The following TXNRD1 variants were observed in gnomAD, a reference collection of about 807,000 sequenced individuals.
TXNRD1 encodes thioredoxin reductase 1, cytoplasmic.
TXNRD1 carries 57 observed loss-of-function variants against 80.3 expected under a neutral mutation model. The observed-to-expected ratio is 0.71, with a 90% CI of 0.57 to 0.89. The LOEUF is 0.89. TXNRD1 is among the 40% of genes least tolerant of loss of function. The pLI is 0.00. For missense variants in TXNRD1, 730 were observed against 803.0 expected (o/e 0.91, Z 1.10); for synonymous variants, 291 against 285.2 (o/e 1.02, Z -0.20).
At chr12:104,278,390 C>CA (rs1555210508) in intron 3 of TXNRD1, among the ~76,000 whole-genome samples, 1 of 148,472 alleles carries the variant, frequency 6.7e-6, no homozygotes, top group Non-Finnish European at 1.5e-5. Flanking sequence ...TTAGTAGAGA[C>CA]GGGTTTCACC....
At chr12:104,342,841 G>C (rs149160409) in intron 16 of TXNRD1, among the ~76,000 whole-genome samples, 1 of 152,256 alleles carries the variant, frequency 6.6e-6, no homozygotes, top group Non-Finnish European at 1.5e-5. Flanking sequence ...CCGTGGAAGC[G>C]GGACTGAGCG....
chr12:104,226,028 C>T (rs1183623959), intron 1 of TXNRD1, among the ~76,000 whole-genome samples: 2 of 151,894 alleles, frequency 1.3e-5, no homozygotes, highest in Non-Finnish European at 2.9e-5. Flanking sequence ...GGAGAAACCC[C>T]ATCTCTACTA....
In TXNRD1 at chr12:104,304,017, T is replaced by C. The variant is rs776903129; in HGVS notation, c.415-7273T>C. The C allele has an allele frequency of 5.0e-6, 8 of 1,612,178 alleles. 1 individual carries two copies. Among genetic ancestry groups the C allele is most frequent in the Non-Finnish European group, 5.1e-6 (6 of 1,179,878 alleles). On this transcript the variant is annotated intron_variant, in intron 4 of 16. Coordinates refer to ENST00000525566, the MANE Select transcript of TXNRD1 (RefSeq NM_001093771.3). ...GAGGCCGACGTAGACCCAAAGCTCC[T>C]GGAGCTCACCGCTGACGAGGAGAAG...
chr12:104,244,148 C>G (rs1470291945), intron 1 of TXNRD1, among the ~76,000 whole-genome samples: 1 of 152,214 alleles, frequency 6.6e-6, no homozygotes, highest in Non-Finnish European at 1.5e-5. Context: ...ATATAGCTCT[C>G]TAAGCAATGT....
intron 1 of TXNRD1, among the ~76,000 whole-genome samples, chr12:104,230,012 T>C (rs886869898): frequency 1.3e-5 from 2 of 152,180 alleles, no homozygotes; most frequent in Non-Finnish European, 2.9e-5. Flanking sequence ...TTTTTATTTA[T>C]CTTAGGCATA....
intron 16 of TXNRD1, among the ~76,000 whole-genome samples, chr12:104,347,293 T>C (rs1347428543): frequency 2.6e-5 from 4 of 152,188 alleles, no homozygotes; most frequent in Non-Finnish European, 4.4e-5. Context: ...GTAAAGGCTT[T>C]GTCACCCTCT....
chr12:104,247,644 G>T (rs866315434), intron 1 of TXNRD1, among the ~76,000 whole-genome samples: 1 of 151,778 alleles, frequency 6.6e-6, no homozygotes, highest in African/African-American at 2.4e-5. Context: ...ACATTTTTTT[G>T]TTTGTTTGTT....
intron 16 of TXNRD1, among the ~76,000 whole-genome samples, chr12:104,341,617 C>T (rs1003506088): frequency 1.3e-5 from 2 of 151,834 alleles, no homozygotes; most frequent in African/African-American, 4.9e-5. Flanking sequence ...TTTGCTCACA[C>T]GACCAATTCT....
chr12:104,244,695 A>G (rs1180192396), intron 1 of TXNRD1, among the ~76,000 whole-genome samples: 1 of 152,260 alleles, frequency 6.6e-6, no homozygotes, highest in Non-Finnish European at 1.5e-5. Context: ...TAAGGTTAGA[A>G]CAAGAGAGCT....
rs2230764 is a variant in TXNRD1 at position 104,331,590 on chromosome 12, T to C, written c.1599T>C (p.Cys533=). 1.9e-6 allele frequency: 3 copies of C among 1,612,702 alleles called. No homozygotes were observed. The highest frequency in any genetic ancestry group is 2.7e-5 in the African/African-American group (2 of 74,910). ...TTACTCCTTTGGAATATGGTGCTTG[T>C]GGCCTTTCTGAGGAGAAAGCTGTGG... ...TVFTPLEYGA[C]GLSEEKAVEK... Residue 533 remains cysteine, a synonymous_variant, in exon 14 of 17, where the codon TGT becomes TGC. Coordinates refer to ENST00000525566, the MANE Select transcript of TXNRD1 (RefSeq NM_001093771.3).
chr12:104,240,166 A>C (rs1366475781), intron 1 of TXNRD1, among the ~76,000 whole-genome samples: 3 of 152,160 alleles, frequency 2.0e-5, no homozygotes, highest in Admixed American at 6.6e-5. Context: ...TTGGTAGGGT[A>C]TCTTTTATTA....
intron 11 of TXNRD1, among the ~76,000 whole-genome samples, chr12:104,326,138 A>G (rs946898796): frequency 6.6e-6 from 1 of 152,168 alleles, no homozygotes; most frequent in African/African-American, 2.4e-5. Flanking sequence ...GAAGTGGAAA[A>G]TAATTTCTAC....
chr12:104,235,556 T>C (rs1020423625), intron 1 of TXNRD1, among the ~76,000 whole-genome samples: 2 of 152,184 alleles, frequency 1.3e-5, no homozygotes, highest in African/African-American at 4.8e-5. Context: ...TCTCTCTCCT[T>C]GTGCAAACCA....
Position 104,251,604 on chromosome 12 carries a change from G to C in TXNRD1, c.169G>C (p.Ala57Pro), listed in dbSNP as rs1203060960. Residue 57 changes from alanine (A) to proline (P), a missense_variant, in exon 2 of 17, where the codon GCC (alanine) becomes CCC (proline). By Grantham distance (27) the Ala-to-Pro change is conservative (BLOSUM62 -1). Coordinates refer to ENST00000525566, the MANE Select transcript of TXNRD1 (RefSeq NM_001093771.3). ...FTSTATADSR[A>P]LLQAYIDGHS... ...CAGCACGGCCACTGCAGACTCCAGA[G>C]CCCTGCTTCAGGCCTATATAGATGG... 6.2e-7 allele frequency: 1 copy of C among 1,613,922 alleles called. No homozygotes were observed. The highest frequency in any genetic ancestry group is 1.7e-5 in the Admixed American group (1 of 60,016).
intron 6 of TXNRD1, among the ~76,000 whole-genome samples, chr12:104,314,168 A>G (rs754828953): frequency 2.6e-5 from 4 of 152,188 alleles, no homozygotes; most frequent in Non-Finnish European, 5.9e-5. Flanking sequence ...AGGTGTCACT[A>G]TTGAGGGCTT....
chr12:104,321,686 C>T (rs2035536404), intron 10 of TXNRD1, among the ~76,000 whole-genome samples: 1 of 152,194 alleles, frequency 6.6e-6, no homozygotes, highest in Non-Finnish European at 1.5e-5. Flanking sequence ...CACTCCCTGG[C>T]TCCCCACAGG....
intron 5 of TXNRD1, among the ~76,000 whole-genome samples, chr12:104,312,730 CAT>C (rs1159905818): frequency 2.6e-5 from 4 of 152,296 alleles, no homozygotes; most frequent in South Asian, 2.1e-4. Flanking sequence ...ATGAGCGCCT[CAT>C]GTGAAAATTT....
chr12:104,321,537 A>G (rs2035531526), intron 10 of TXNRD1, among the ~76,000 whole-genome samples: 1 of 152,088 alleles, frequency 6.6e-6, no homozygotes, highest in Non-Finnish European at 1.5e-5. Context: ...TCCTTTGTCA[A>G]CTTTCTAAAT....
intron 15 of TXNRD1, among the ~76,000 whole-genome samples, chr12:104,338,481 G>GATC (rs750390935): frequency 2.6e-5 from 4 of 151,476 alleles, no homozygotes; most frequent in African/African-American, 4.8e-5. Flanking sequence ...GATCACCTGA[G>GATC]ATCAGGCATT....
Sources: gnomAD v4.1 joint callset for allele counts (sites outside exome capture counted in the v4.1 genomes callset) on GRCh38, gnomAD v4.1.1 for gene constraint, MANE v1.5 for transcripts, NCBI Gene and HGNC (gene_info 2026-07-23, HGNC 2026-07-21) for gene names.